KCNAB1: variants seen among roughly 807,000 people sequenced by gnomAD.
KCNAB1 encodes voltage-gated potassium channel subunit beta-1.
In KCNAB1, 35 loss-of-function variants were observed where a neutral mutation model predicts 64.6. The ratio of observed to expected loss-of-function variants is 0.54; its 90% CI spans 0.41 to 0.72. KCNAB1 has a LOEUF of 0.72. KCNAB1 is among the 30% of genes least tolerant of loss of function. The pLI, the probability that KCNAB1 is intolerant of heterozygous loss-of-function variation, is 0.00. For missense variants in KCNAB1, 401 were observed against 512.9 expected (o/e 0.78, Z 2.11); for synonymous variants, 177 against 183.8 (o/e 0.96, Z 0.30).
chr3:156,180,297 G>A (rs1560123642), intron 1 of KCNAB1, among the ~76,000 whole-genome samples: 1 of 152,226 alleles, frequency 6.6e-6, no homozygotes, highest in Non-Finnish European at 1.5e-5. Context: ...AAATGGTGGA[G>A]CCAAGCATGG....
intron 1 of KCNAB1, among the ~76,000 whole-genome samples, chr3:156,388,415 C>T (rs1019636205): frequency 5.9e-5 from 9 of 152,132 alleles, no homozygotes; most frequent in Non-Finnish European, 4.4e-5. Context: ...GAGCAAAAAG[C>T]AGTATAGCAA....
chr3:156,496,459 C>T (rs1047191598), intron 8 of KCNAB1, among the ~76,000 whole-genome samples: 6 of 152,266 alleles, frequency 3.9e-5, no homozygotes, highest in Admixed American at 6.5e-5. Flanking sequence ...GACGTGCCTT[C>T]GCTCCTCCTT....
rs1446736088 is a variant in KCNAB1 at position 156,370,227 on chromosome 3, A to G, written c.276-51389A>G. The stretch of plus-strand genomic sequence containing the variant: ...ACATGCTCCTCTGATGTCAGCACTA[A>G]AACATACAGGTCTGGGCATTCTATT... On this transcript the variant is annotated intron_variant, in intron 1 of 13. Coordinates refer to ENST00000490337, the MANE Select transcript of KCNAB1 (RefSeq NM_172160.3). 3.9e-5 allele frequency among the ~76,000 whole-genome samples: 6 copies of G among 152,166 alleles called. No homozygotes were observed. The South Asian group carries it at 1.2e-3, about 32-fold the overall frequency.
chr3:156,353,332 T>G (rs1369774972), intron 1 of KCNAB1, among the ~76,000 whole-genome samples: 1 of 152,200 alleles, frequency 6.6e-6, no homozygotes, highest in Non-Finnish European at 1.5e-5. Flanking sequence ...AGTTCCTATG[T>G]GTACAGGCAG....
At chr3:156,325,563 A>G (rs1722919830) in intron 1 of KCNAB1, among the ~76,000 whole-genome samples, 1 of 151,292 alleles carries the variant, frequency 6.6e-6, no homozygotes, top group South Asian at 2.1e-4. Flanking sequence ...AATATTTTAT[A>G]TATTAATAAA....
intron 1 of KCNAB1, among the ~76,000 whole-genome samples, chr3:156,228,751 C>T (rs998563347): frequency 6.6e-6 from 1 of 152,206 alleles, no homozygotes; most frequent in Non-Finnish European, 1.5e-5. Context: ...CAGAGAAAAA[C>T]CTCAGTGACA....
intron 7 of KCNAB1, among the ~76,000 whole-genome samples, chr3:156,468,326 C>T (rs1713587214): frequency 6.6e-6 from 1 of 152,004 alleles, no homozygotes; most frequent in South Asian, 2.1e-4. Context: ...TCTTGATTGC[C>T]AGTGTGAACC....
chr3:156,427,119 A>G (rs1715873600), intron 2 of KCNAB1, among the ~76,000 whole-genome samples: 1 of 152,136 alleles, frequency 6.6e-6, no homozygotes, highest in African/African-American at 2.4e-5. Context: ...GGTCTTCCTG[A>G]GTGCAGGAAG....
intron 3 of KCNAB1, among the ~76,000 whole-genome samples, chr3:156,455,341 TG>T (rs1195102991): frequency 1.3e-5 from 2 of 152,194 alleles, no homozygotes; most frequent in African/African-American, 4.8e-5. Flanking sequence ...TCTCAGGAGG[TG>T]GGGATGTCCC....
At position 156,320,429 on chromosome 3, in the gene KCNAB1, C is replaced by T. The variant is rs763611065; in HGVS notation, c.276-101187C>T. On this transcript the variant is annotated intron_variant, in intron 1 of 13. Transcript: ENST00000490337. ...AAATGCACTGAAAGAAGTTCTTCGC[C>T]CAAATATGTTTTATTTGAGGACAGC... 1.6e-3 allele frequency among the ~76,000 whole-genome samples: 249 copies of T among 152,230 alleles called. 1 individual carries two copies. Among genetic ancestry groups the T allele is most frequent in the Non-Finnish European group, 7.2e-4 (49 of 68,024 alleles).
chr3:156,179,526 G>A (rs1712661785), intron 1 of KCNAB1, among the ~76,000 whole-genome samples: 1 of 150,828 alleles, frequency 6.6e-6, no homozygotes, highest in Non-Finnish European at 1.5e-5. Flanking sequence ...TTTGGGGTGG[G>A]GAAGCAGCCC....
At chr3:156,524,771 A>G (rs866333605) in intron 12 of KCNAB1, among the ~76,000 whole-genome samples, 20,537 of 140,472 alleles carry the variant, frequency 0.15, 2,020 homozygotes, top group Non-Finnish European at 0.18. Context: ...AAAAAAAAAA[A>G]AAAAAGAAAA....
chr3:156,142,867 T>A (rs1577631706), intron 1 of KCNAB1: 5 of 469,806 alleles, frequency 1.1e-5, no homozygotes, highest in East Asian at 1.1e-4. Flanking sequence ...AGTTCCCATA[T>A]TTTTTTTCCC....
At chr3:156,175,512 C>T (rs565468297) in intron 1 of KCNAB1, among the ~76,000 whole-genome samples, 2 of 152,090 alleles carry the variant, frequency 1.3e-5, no homozygotes, top group South Asian at 2.1e-4. Context: ...CCCAGCTACT[C>T]GGAGGCTGAG....
At chr3:156,141,969 A>G (rs972161295) in intron 1 of KCNAB1, among the ~76,000 whole-genome samples, 22 of 152,132 alleles carry the variant, frequency 1.4e-4, no homozygotes, top group Non-Finnish European at 2.5e-4. Flanking sequence ...GTGTGTAGTG[A>G]TCTCTCATTG....
At chr3:156,423,284 G>A (rs1715587660) in intron 2 of KCNAB1, among the ~76,000 whole-genome samples, 1 of 152,186 alleles carries the variant, frequency 6.6e-6, no homozygotes, top group Admixed American at 6.5e-5. Flanking sequence ...AAAAAATGAT[G>A]CGGAAAAAGG....
intron 2 of KCNAB1, among the ~76,000 whole-genome samples, chr3:156,435,508 G>C (rs537297413): frequency 1.2e-4 from 19 of 152,310 alleles, no homozygotes; most frequent in South Asian, 8.3e-4. Flanking sequence ...GATTTATAAG[G>C]ATGTGGGTTT....
chr3:156,234,759 A>G (rs1395369151), intron 1 of KCNAB1, among the ~76,000 whole-genome samples: 6 of 152,294 alleles, frequency 3.9e-5, no homozygotes, highest in Middle Eastern at 3.4e-3. Context: ...GCATTTAGCT[A>G]CACAGGTCCA....
chr3:156,292,823 G>A (rs1337260213), intron 1 of KCNAB1, among the ~76,000 whole-genome samples: 2 of 152,228 alleles, frequency 1.3e-5, no homozygotes, highest in Admixed American at 1.3e-4. Context: ...GATTACAGGA[G>A]TAAACCACCG....
Sources: gnomAD v4.1 joint callset for allele counts (sites outside exome capture counted in the v4.1 genomes callset) on GRCh38, gnomAD v4.1.1 for gene constraint, MANE v1.5 for transcripts, NCBI Gene and HGNC (gene_info 2026-07-23, HGNC 2026-07-21) for gene names.